Variants in FBXO21 observed in about 807,000 individuals in gnomAD.
The protein encoded by FBXO21 is F-box protein 21, also known as F-box only protein 21.
A neutral mutation model predicts 76.6 loss-of-function variants in FBXO21; 32 were observed. The ratio of observed to expected loss-of-function variants is 0.42; its 90% CI spans 0.32 to 0.56. The LOEUF (loss-of-function observed/expected upper bound fraction) is 0.56. Ranked by LOEUF, FBXO21 falls within the 20% of genes least tolerant of loss-of-function variation. The pLI is 0.16. For missense variants in FBXO21, 586 were observed against 797.3 expected, an observed-to-expected ratio of 0.73 and a Z score of 3.19; for synonymous variants, 328 against 311.5, an observed-to-expected ratio of 1.05 and a Z score of -0.56.
chr12:117,174,356 T>C lies in FBXO21; in HGVS notation c.740-15A>G, dbSNP rs780953646. On this transcript the variant is annotated splice_polypyrimidine_tract_variant and intron_variant, in intron 5 of 11. Coordinates refer to ENST00000622495, the MANE Select transcript of FBXO21 (RefSeq NM_015002.3). ...GGATGATTCACCTGAAACACAGAGA[T>C]CTACTCTGGGACCCAAGCACAAAAA... 38 of 1,613,710 alleles carry C rather than the reference T, an allele frequency of 2.4e-5. No individual in the cohort carries two copies. The South Asian group carries it at 4.1e-4, about 17-fold the overall frequency.
intron 7 of FBXO21, among the ~76,000 whole-genome samples, chr12:117,170,938 G>A (rs1181795609): frequency 6.6e-6 from 1 of 152,086 alleles, no homozygotes; most frequent in Non-Finnish European, 1.5e-5. Context: ...TAAAATAATG[G>A]AAATTGGGTC....
chr12:117,149,223 C>T (rs192748976), intron 11 of FBXO21, among the ~76,000 whole-genome samples: 45 of 152,232 alleles, frequency 3.0e-4, no homozygotes, highest in Admixed American at 2.8e-3. Context: ...TGTTTTCAAA[C>T]TCCTGGGCTC....
chr12:117,146,473 G>C (rs1435385828), intron 11 of FBXO21, among the ~76,000 whole-genome samples, 196 bp from the exon 12 acceptor site: 1 of 152,162 alleles, frequency 6.6e-6, no homozygotes. Context: ...GTGGGTGGTG[G>C]CACGGGTGTC....
rs574718561 is a variant in FBXO21 at position 117,164,021 on chromosome 12, C to T, written c.1326+1464G>A. Among the ~76,000 whole-genome samples the T allele has an allele frequency of 3.3e-5, 5 of 151,274 alleles. No homozygotes were observed. In the East Asian group the frequency reaches 9.8e-4, roughly 30 times the overall value. On this transcript the variant is annotated intron_variant, in intron 9 of 11. Coordinates refer to ENST00000622495, the MANE Select transcript of FBXO21 (RefSeq NM_015002.3). ...GTGGCACACACTTGTAATCCCAGCA[C>T]TTTGGGAGGCCAAGATGGGCTTGAG...
At chr12:117,188,996 AC>A in intron 2 of FBXO21, 1 of 558,384 alleles carries the variant, frequency 1.8e-6, no homozygotes, top group Non-Finnish European at 3.2e-6. Flanking sequence ...TGCTCCCTCC[AC>A]CCCCACTCTC....
intron 11 of FBXO21, chr12:117,154,246 C>T (rs1955884559): frequency 1.3e-5 from 2 of 152,278 alleles, no homozygotes. Flanking sequence ...CCATCTGCCA[C>T]AGGGAGCACA....
rs755849227 is a variant in FBXO21, at chr12:117,172,485, GCAC to G, written c.996_998del (p.Trp332del). On this transcript the variant is annotated inframe_deletion, in exon 7 of 12. Transcript: ENST00000622495. ...CGGATGCTCACCCTTCTGCGCCTTGGCACCACCTTAATAAGAAGTGACTTGGGA... is the reference window on the plus strand; with the variant it reads ...CGGATGCTCACCCTTCTGCGCCTTGGCACCTTAATAAGAAGTGACTTGGGA... The G allele has an allele frequency of 6.2e-7, 1 of 1,613,398 alleles. No individual in the cohort carries two copies. Among genetic ancestry groups the G allele is most frequent in the Non-Finnish European group, 8.5e-7 (1 of 1,179,660 alleles).
In FBXO21 at chr12:117,145,938, T is replaced by TA; in HGVS notation, c.*148dup. 1.8e-6 allele frequency: 1 copy of TA among 570,824 alleles called. No individual in the cohort carries two copies. Among genetic ancestry groups the TA allele is most frequent in the Non-Finnish European group, 3.0e-6 (1 of 330,000 alleles). 35.4% of individuals were successfully genotyped at this position (570,824 alleles called of 1,614,324 possible). On this transcript the variant is annotated 3_prime_UTR_variant, in exon 12 of 12. Coordinates refer to ENST00000622495, the MANE Select transcript of FBXO21 (RefSeq NM_015002.3). ...CAGCTGGGGAAGAGCACACGGTATT[T>TA]AAACTTAGTAGGAGGCAACCAGCAC...
intron 7 of FBXO21, among the ~76,000 whole-genome samples, chr12:117,167,470 G>A (rs1006879052): frequency 2.0e-5 from 3 of 152,160 alleles, no homozygotes; most frequent in Admixed American, 6.5e-5. Flanking sequence ...ACCTCAGCCG[G>A]GCGTGGTGGC....
chr12:117,169,151 G>C (rs543442986), intron 7 of FBXO21, among the ~76,000 whole-genome samples: 1 of 152,288 alleles, frequency 6.6e-6, no homozygotes, highest in East Asian at 1.9e-4. Flanking sequence ...CCACAAAAAA[G>C]AACAAGATTA....
In FBXO21 at chr12:117,142,234, T is replaced by C. The variant is rs1418868652; in HGVS notation, c.*3853A>G. The C allele has an allele frequency of 1.3e-5, 2 of 152,174 alleles. No individual in the cohort carries two copies. Among genetic ancestry groups the C allele is most frequent in the African/African-American group, 4.8e-5 (2 of 41,444 alleles). 9.4% of individuals were successfully genotyped at this position (152,174 alleles called of 1,614,324 possible). On this transcript the variant is annotated 3_prime_UTR_variant, in exon 12 of 12. Coordinates refer to ENST00000622495, the MANE Select transcript of FBXO21 (RefSeq NM_015002.3). The stretch of plus-strand genomic sequence containing the variant: ...GAGTGTGGGTGTGAACAGCTGGAGC[T>C]CAGTGGTTCCTGGAGACTCAGGGAC...
intron 6 of FBXO21, among the ~76,000 whole-genome samples, 191 bp from the exon 7 acceptor site, chr12:117,172,798 T>G (rs1384547988): frequency 1.3e-5 from 2 of 152,226 alleles, no homozygotes; most frequent in African/African-American, 4.8e-5. Flanking sequence ...CCACCGGCTA[T>G]TTTTGTACAG....
intron 7 of FBXO21, among the ~76,000 whole-genome samples, chr12:117,168,477 T>C (rs1214602507): frequency 6.6e-6 from 1 of 151,684 alleles, no homozygotes; most frequent in East Asian, 1.9e-4. Context: ...TGAGTCAAGA[T>C]CGCACCACTG....
chr12:117,189,492 G>C (rs1566011600), intron 1 of FBXO21, 130 bp from the exon 2 acceptor site: 8 of 869,782 alleles, frequency 9.2e-6, no homozygotes, highest in Non-Finnish European at 1.4e-5. Context: ...GAGAGACCTA[G>C]TTCAAAACCC....
At chr12:117,178,669 GTTC>G (rs1253905558) in intron 3 of FBXO21, among the ~76,000 whole-genome samples, 1 of 123,908 alleles carries the variant, frequency 8.1e-6, no homozygotes, top group Non-Finnish European at 1.8e-5. Context: ...TTAGTGCCCT[GTTC>G]TTCTGCCTGG....
chr12:117,167,334 G>A (rs1434393691), intron 7 of FBXO21, among the ~76,000 whole-genome samples: 1 of 152,198 alleles, frequency 6.6e-6, no homozygotes, highest in Admixed American at 6.5e-5. Context: ...ACTGCCAGGA[G>A]TATCTACAAG....
Position 117,177,398 on chromosome 12 carries a change from C to T in FBXO21, c.592+122G>A, listed in dbSNP as rs112913553. On this transcript the variant is annotated intron_variant, in intron 4 of 11. Coordinates refer to ENST00000622495, the MANE Select transcript of FBXO21 (RefSeq NM_015002.3). The stretch of plus-strand genomic sequence containing the variant: ...CTATAATCCAACCTGCAGAAGCCCA[C>T]GCAACATGATTTGCTTTTTCACTTC... The T allele has an allele frequency of 3.9e-3, 3,746 of 959,316 alleles. 102 individuals are homozygous for T. In the African/African-American group the frequency reaches 0.055, roughly 14 times the overall value. The allele number at this position is 959,316 out of a possible 1,614,324, so 59.4% of individuals were successfully genotyped here.
rs1190589300 is a variant in FBXO21, at chr12:117,142,103, C to G, written c.*3984G>C. 1 of 145,292 alleles carries G rather than the reference C, an allele frequency of 6.9e-6. No homozygotes were observed. Among genetic ancestry groups the G allele is most frequent in the Non-Finnish European group, 1.5e-5 (1 of 64,752 alleles). 9.0% of individuals were successfully genotyped at this position (145,292 alleles called of 1,614,324 possible). Reference sequence around the variant, plus strand: ...CGCCTAATTTTATTCACCGGAGGGACGTCCTTTACTTTCAAGATTCTAAAT... The same window carrying G: ...CGCCTAATTTTATTCACCGGAGGGAGGTCCTTTACTTTCAAGATTCTAAAT... On this transcript the variant is annotated 3_prime_UTR_variant, in exon 12 of 12. Coordinates refer to ENST00000622495, the MANE Select transcript of FBXO21 (RefSeq NM_015002.3).
intron 3 of FBXO21, among the ~76,000 whole-genome samples, chr12:117,184,290 A>AT (rs1411215391): frequency 6.6e-6 from 1 of 152,106 alleles, no homozygotes; most frequent in East Asian, 1.9e-4. Context: ...GAGAACTGAC[A>AT]TTTTTTGTGA....
Sources: gnomAD v4.1 joint callset for allele counts (sites outside exome capture counted in the v4.1 genomes callset) on GRCh38, gnomAD v4.1.1 for gene constraint, MANE v1.5 for transcripts, NCBI Gene and HGNC (gene_info 2026-07-23, HGNC 2026-07-21) for gene names.